The following PCDHGA4 variants were observed in gnomAD, a reference collection of about 807,000 sequenced individuals.
PCDHGA4 encodes protocadherin gamma-A4.
Under a neutral mutation model 54.6 loss-of-function variants are expected in PCDHGA4, and 38 were observed. The ratio of observed to expected loss-of-function variants is 0.70; its 90% CI spans 0.54 to 0.91. The LOEUF (loss-of-function observed/expected upper bound fraction) is 0.91, where lower values mean the gene tolerates loss of function less well. Ranked by LOEUF, PCDHGA4 falls within the 40% of genes least tolerant of loss-of-function variation. The pLI, the probability that PCDHGA4 is intolerant of heterozygous loss-of-function variation, is 0.00. For synonymous variants in PCDHGA4, 511 were observed against 512.9 expected, an observed-to-expected ratio of 1.00 and a Z score of 0.05; for missense variants, 1,298 against 1,220.9, an observed-to-expected ratio of 1.06 and a Z score of -0.94.
In PCDHGA4 at chr5:141,476,016, G is replaced by C; in HGVS notation, c.2515-18791G>C. On this transcript the variant is annotated intron_variant, in intron 1 of 3. Transcript: ENST00000571252. This position sits in a 1 kb window ranked among gnomAD's most constrained non-coding sequence, Gnocchi z 7.6. ...TCAACGGCATCCAGAAAGCCATGTC[G>C]GACTCGGCGCCCAGCGCCCAAGCGC... 1 of 1,359,386 alleles carries C rather than the reference G, an allele frequency of 7.4e-7. No homozygotes were observed. The highest frequency in any genetic ancestry group is 2.3e-5 in the East Asian group (1 of 43,300). 84.2% of individuals were successfully genotyped at this position (1,359,386 alleles called of 1,614,324 possible).
Position 141,477,912 on chromosome 5 carries a change from A to T in PCDHGA4, c.2515-16895A>T. The T allele has an allele frequency of 6.2e-7, 1 of 1,614,166 alleles. No individual in the cohort carries two copies. Among genetic ancestry groups the T allele is most frequent in the Non-Finnish European group, 8.5e-7 (1 of 1,180,022 alleles). ...TCACGGGTGGTAGGCTGGGACGCGGATGCAGGGCACAATGCCTGGCTCTCC... is the reference window on the plus strand; with the variant it reads ...TCACGGGTGGTAGGCTGGGACGCGGTTGCAGGGCACAATGCCTGGCTCTCC... On this transcript the variant is annotated intron_variant, in intron 1 of 3. Coordinates refer to ENST00000571252, the MANE Select transcript of PCDHGA4 (RefSeq NM_018917.4). This position sits in a 1 kb window ranked among gnomAD's most constrained non-coding sequence, Gnocchi z 4.9.
intron 1 of PCDHGA4, chr5:141,364,648 T>C (rs1199111606): frequency 6.2e-7 from 1 of 1,614,082 alleles, no homozygotes; most frequent in Non-Finnish European, 8.5e-7. Context: ...TGGTGAACTT[T>C]AACATCTTGG....
chr5:141,385,125 C>T (rs1206430746), intron 1 of PCDHGA4: 7 of 1,614,212 alleles, frequency 4.3e-6, no homozygotes, highest in Non-Finnish European at 8.5e-7. Context: ...ACTTTGTGGG[C>T]ATGGACGGGG....
At chr5:141,467,987 A>G (rs888811899) in intron 1 of PCDHGA4, among the ~76,000 whole-genome samples, 10 of 152,216 alleles carry the variant, frequency 6.6e-5, no homozygotes, top group Non-Finnish European at 8.8e-5. Flanking sequence ...TCAGAAAACC[A>G]CAATTCTTTC....
chr5:141,387,687 G>A, intron 1 of PCDHGA4: 1 of 808,412 alleles, frequency 1.2e-6, no homozygotes, highest in Non-Finnish European at 1.9e-6. Context: ...CGCAGCCGCA[G>A]CGCGCTTTCC....
chr5:141,498,002 C>T (rs1442305270), intron 2 of PCDHGA4, among the ~76,000 whole-genome samples: 2 of 152,178 alleles, frequency 1.3e-5, no homozygotes, highest in East Asian at 1.9e-4. Flanking sequence ...AAGGAGTTTA[C>T]AGTGCACTGA....
intron 1 of PCDHGA4, chr5:141,415,323 G>C: frequency 1.9e-6 from 3 of 1,614,236 alleles, no homozygotes; most frequent in South Asian, 2.2e-5. Flanking sequence ...TCGTGCTGCT[G>C]GCGCACAGGC....
At position 141,376,627 on chromosome 5, in the gene PCDHGA4, A is replaced by G. The variant is rs183524096; in HGVS notation, c.2514+19006A>G. On this transcript the variant is annotated intron_variant, in intron 1 of 3. Transcript: ENST00000571252. ...AGCGAACCTCTTTTGGTACAGGAAG[A>G]TTCGTGATTTTGTAAAGTGGAAGAC... 863 of 1,127,968 alleles carry G rather than the reference A, an allele frequency of 7.7e-4. 3 individuals carry two copies. Among genetic ancestry groups the G allele is most frequent in the Middle Eastern group, 3.8e-3 (17 of 4,452 alleles). The allele number at this position is 1,127,968 out of a possible 1,614,324, so 69.9% of individuals were successfully genotyped here. A position where few individuals can be genotyped will look rare whatever the true frequency, so the allele number is the denominator to read the frequency against.
intron 1 of PCDHGA4, chr5:141,420,985 C>T (rs1371634966): frequency 4.1e-6 from 2 of 487,950 alleles, no homozygotes; most frequent in African/African-American, 4.0e-5. Flanking sequence ...GGGCTCTAGG[C>T]GCCGCTGCTC....
intron 1 of PCDHGA4, chr5:141,374,146 G>A (rs770813485): frequency 5.0e-6 from 8 of 1,611,142 alleles, no homozygotes; most frequent in East Asian, 4.5e-5. Context: ...CGCTCCTGGG[G>A]ACGCTGTGGG....
intron 1 of PCDHGA4, among the ~76,000 whole-genome samples, chr5:141,382,275 G>A (rs192196334): frequency 6.6e-6 from 1 of 152,264 alleles, no homozygotes; most frequent in African/African-American, 2.4e-5. Context: ...GAACATATGT[G>A]TTCAATTAAT....
intron 1 of PCDHGA4, among the ~76,000 whole-genome samples, chr5:141,451,410 G>T (rs1201545799): frequency 6.6e-6 from 1 of 152,190 alleles, no homozygotes; most frequent in East Asian, 1.9e-4. Context: ...TAAGTTCCTT[G>T]TGGATTGTTA....
intron 1 of PCDHGA4, among the ~76,000 whole-genome samples, chr5:141,358,517 T>C (rs1342877087): frequency 6.6e-6 from 1 of 152,238 alleles, no homozygotes; most frequent in African/African-American, 2.4e-5. Flanking sequence ...CTCAATGAAC[T>C]GGTATATTTC....
chr5:141,492,274 A>C (rs2099739010), intron 1 of PCDHGA4, among the ~76,000 whole-genome samples: 1 of 152,024 alleles, frequency 6.6e-6, no homozygotes, highest in Non-Finnish European at 1.5e-5. Flanking sequence ...CGGGCTCGCC[A>C]CGCCCCGCCA....
At chr5:141,400,668 G>A in intron 1 of PCDHGA4, 3 of 970,702 alleles carry the variant, frequency 3.1e-6, no homozygotes, top group Non-Finnish European at 4.6e-6. Context: ...TCTTTAAGAG[G>A]AGCAGTAAAT....
intron 1 of PCDHGA4, chr5:141,400,051 G>A (rs1253013919): frequency 6.2e-7 from 1 of 1,613,762 alleles, no homozygotes; most frequent in East Asian, 2.2e-5. Flanking sequence ...GCTGGTTGCT[G>A]TGCGTGATGG....
intron 1 of PCDHGA4, among the ~76,000 whole-genome samples, chr5:141,488,661 G>T (rs573211567): frequency 6.6e-6 from 1 of 152,246 alleles, no homozygotes; most frequent in African/African-American, 2.4e-5. Context: ...GGAGGGTGGG[G>T]GAATACATGG....
At chr5:141,406,989 T>C (rs1402069577) in intron 1 of PCDHGA4, among the ~76,000 whole-genome samples, 2 of 152,236 alleles carry the variant, frequency 1.3e-5, no homozygotes, top group Non-Finnish European at 2.9e-5. Context: ...TCACAAGACA[T>C]TTGAAAATAA....
chr5:141,466,518 T>C (rs1430823209), intron 1 of PCDHGA4, among the ~76,000 whole-genome samples: 2 of 152,222 alleles, frequency 1.3e-5, no homozygotes, highest in Admixed American at 6.5e-5. Flanking sequence ...TCATTTTTTT[T>C]CCTCCCAAAT....
Sources: gnomAD v4.1 joint callset for allele counts (sites outside exome capture counted in the v4.1 genomes callset) on GRCh38, gnomAD v4.1.1 for gene constraint, Gnocchi (gnomAD v3.1) non-coding constraint, MANE v1.5 for transcripts, NCBI Gene and HGNC (gene_info 2026-07-23, HGNC 2026-07-21) for gene names.